The following NT5DC3 variants were observed in gnomAD, a reference collection of about 807,000 sequenced individuals.
NT5DC3 encodes the protein 5'-nucleotidase domain containing 3.
A neutral mutation model predicts 67.8 loss-of-function variants in NT5DC3; 42 were observed. That is an observed-to-expected ratio of 0.62 (90% confidence interval 0.48 to 0.80). The LOEUF is 0.80. Among genes scored for constraint, NT5DC3 ranks in the 30% least tolerant of loss-of-function variants. The pLI is 0.00. For missense variants in NT5DC3, 570 were observed against 696.4 expected, an observed-to-expected ratio of 0.82 and a Z score of 2.04; for synonymous variants, 237 against 255.6, an observed-to-expected ratio of 0.93 and a Z score of 0.69.
chr12:103,758,679 T>TG, the NT5DC3 span, among the ~76,000 whole-genome samples: 2 of 152,154 alleles, frequency 1.3e-5, no homozygotes, highest in Non-Finnish European at 2.9e-5. Flanking sequence ...AAAGTCAGCA[T>TG]GGGGGGCAAA....
At chr12:103,780,210 T>C in intron 13 of NT5DC3, 90 bp downstream of exon 13, 14 of 1,055,922 alleles carry the variant, frequency 1.3e-5, no homozygotes, top group Non-Finnish European at 2.1e-5. Context: ...TTCAACATTA[T>C]GCCTCAGGCT....
At chr12:103,746,580 G>C in the NT5DC3 span, 1 of 1,612,384 alleles carries the variant, frequency 6.2e-7, no homozygotes, top group Non-Finnish European at 8.5e-7. Context: ...GAATGAAAGT[G>C]GCCCCTTTCT....
rs140616700 is a variant in NT5DC3 at position 103,801,539 on chromosome 12, C to G, written c.525-2862G>C. Among the ~76,000 whole-genome samples, 1,035 of 151,842 alleles carry G rather than the reference C, an allele frequency of 6.8e-3. 2 individuals are homozygous for G. Among genetic ancestry groups the G allele is most frequent in the Non-Finnish European group, 9.8e-3 (662 of 67,894 alleles). ...CTGGGACTACAGGCACCCACCACCA[C>G]GCCCGGCTAATTTTTGCATTTTTAG... On this transcript the variant is annotated intron_variant, in intron 4 of 13. Coordinates refer to ENST00000392876, the MANE Select transcript of NT5DC3 (RefSeq NM_001031701.3).
At chr12:103,825,446 G>A (rs999808564) in intron 1 of NT5DC3, among the ~76,000 whole-genome samples, 7 of 152,022 alleles carry the variant, frequency 4.6e-5, no homozygotes, top group Non-Finnish European at 7.4e-5. Flanking sequence ...AAAATCAACG[G>A]AACTGATCAA....
chr12:103,818,407 GC>G (rs1887351471), intron 1 of NT5DC3, among the ~76,000 whole-genome samples: 1 of 144,126 alleles, frequency 6.9e-6, no homozygotes. Context: ...ATGAAGTCTC[GC>G]TCTGTCACCC....
chr12:103,808,185 AC>A (rs1272839477), intron 2 of NT5DC3, among the ~76,000 whole-genome samples: 1 of 152,136 alleles, frequency 6.6e-6, no homozygotes, highest in East Asian at 1.9e-4. Flanking sequence ...TGCTGCTACT[AC>A]ACGGCAGGCC....
At chr12:103,759,708 A>G in the NT5DC3 span, among the ~76,000 whole-genome samples, 1 of 152,228 alleles carries the variant, frequency 6.6e-6, no homozygotes, top group African/African-American at 2.4e-5. Context: ...GATGGTGGTG[A>G]TGATGATACA....
chr12:103,767,394 T>TTGA (rs1185808933), downstream of NT5DC3, among the ~76,000 whole-genome samples: 3 of 152,140 alleles, frequency 2.0e-5, no homozygotes, highest in African/African-American at 7.2e-5. Flanking sequence ...AGAAAGTAGG[T>TTGA]TGATTGCCAG....
chr12:103,813,205 C>T (rs988815888), intron 2 of NT5DC3, among the ~76,000 whole-genome samples: 1 of 152,318 alleles, frequency 6.6e-6, no homozygotes, highest in Middle Eastern at 3.4e-3. Context: ...TTGGATCCAC[C>T]TTTTAGGGGG....
intron 2 of NT5DC3, among the ~76,000 whole-genome samples, chr12:103,811,326 GAAGA>G (rs756693034): frequency 1.4e-3 from 207 of 152,272 alleles, no homozygotes; most frequent in Non-Finnish European, 2.3e-3. Flanking sequence ...TCATCTGGGG[GAAGA>G]AAGAGTGCTC....
chr12:103,812,545 T>A (rs1887079347), intron 2 of NT5DC3, among the ~76,000 whole-genome samples: 1 of 152,256 alleles, frequency 6.6e-6, no homozygotes, highest in African/African-American at 2.4e-5. Context: ...TTCATAAACT[T>A]TTTATGTTCA....
intron 6 of NT5DC3, 23 bp downstream of exon 6, chr12:103,796,871 T>C: frequency 6.2e-7 from 1 of 1,613,944 alleles, no homozygotes; most frequent in Non-Finnish European, 8.5e-7. Flanking sequence ...CTCAGCACTG[T>C]AATCTCTCAC....
chr12:103,816,204 T>C (rs1024823516), intron 1 of NT5DC3, among the ~76,000 whole-genome samples: 5 of 152,192 alleles, frequency 3.3e-5, no homozygotes, highest in Admixed American at 6.5e-5. Flanking sequence ...ATTTTGGATA[T>C]AGGATTTTTT....
At chr12:103,747,964 T>A in the NT5DC3 span, among the ~76,000 whole-genome samples, 1 of 131,286 alleles carries the variant, frequency 7.6e-6, no homozygotes, top group African/African-American at 3.1e-5. Context: ...CACTCTACTC[T>A]AGCCTGGGCA....
chr12:103,759,414 C>G, the NT5DC3 span: 2 of 1,250,308 alleles, frequency 1.6e-6, no homozygotes, highest in Admixed American at 2.7e-5. Context: ...GTTAACTGCC[C>G]ACTACAGCAT....
At chr12:103,791,278 C>T (rs1019032725) in intron 9 of NT5DC3, among the ~76,000 whole-genome samples, 4 of 152,050 alleles carry the variant, frequency 2.6e-5, no homozygotes, top group Admixed American at 2.0e-4. Flanking sequence ...AGCAGAGGAG[C>T]TCTCTGGTGA....
At chr12:103,833,082 T>C (rs1887999992) in intron 1 of NT5DC3, among the ~76,000 whole-genome samples, 1 of 152,330 alleles carries the variant, frequency 6.6e-6, no homozygotes, top group South Asian at 2.1e-4. Flanking sequence ...ATTAGGCATA[T>C]TATTATAACT....
chr12:103,813,865 G>A (rs977223783), intron 2 of NT5DC3, among the ~76,000 whole-genome samples: 1 of 152,176 alleles, frequency 6.6e-6, no homozygotes. Flanking sequence ...GTACTCGAAT[G>A]GTTAAATATA....
rs3036176 is a variant in NT5DC3, at chr12:103,786,681, A to ATTTTTTTTTT, written c.1188+750_1188+759dup. ...GATGCCCACCTTCCTCACTGGTTTG[A>ATTTTTTTTTT]TTTTTTTTTTTTTTTTTTTGAGGCA... On this transcript the variant is annotated intron_variant, in intron 11 of 13. Transcript: ENST00000392876. Among the ~76,000 whole-genome samples, 1,002 of 132,160 alleles carry ATTTTTTTTTT rather than the reference A, an allele frequency of 7.6e-3. 42 individuals are homozygous for ATTTTTTTTTT. Among genetic ancestry groups the ATTTTTTTTTT allele is most frequent in the African/African-American group, 0.013 (467 of 35,562 alleles). The allele number at this position is 132,160 out of a possible 152,430, so 86.7% of individuals were successfully genotyped here.
Sources: gnomAD v4.1 joint callset for allele counts (sites outside exome capture counted in the v4.1 genomes callset) on GRCh38, gnomAD v4.1.1 for gene constraint, MANE v1.5 for transcripts, NCBI Gene and HGNC (gene_info 2026-07-23, HGNC 2026-07-21) for gene names.